The following DRAM2 variants were observed in gnomAD, a reference collection of about 807,000 sequenced individuals.
DRAM2 encodes DNA damage-regulated autophagy modulator protein 2.
Under a neutral mutation model 33.5 loss-of-function variants are expected in DRAM2, and 26 were observed. The ratio of observed to expected loss-of-function variants is 0.78; its 90% CI spans 0.57 to 1.08. DRAM2 has a LOEUF of 1.08. Ranked by LOEUF, DRAM2 falls within the 50% of genes least tolerant of loss-of-function variation. The pLI is 0.00. For synonymous variants in DRAM2, 98 were observed against 109.5 expected (o/e 0.89, Z 0.66); for missense variants, 311 against 318.1 (o/e 0.98, Z 0.17).
intron 8 of DRAM2, among the ~76,000 whole-genome samples, chr1:111,119,142 A>G (rs889561503): frequency 2.0e-5 from 3 of 151,982 alleles, no homozygotes; most frequent in Admixed American, 1.3e-4. Context: ...AAGATAGAAC[A>G]GGATCATTTT....
In DRAM2 at chr1:111,131,404, AAAG is replaced by A; in HGVS notation, c.131+17_131+19del. 6.2e-7 allele frequency: 1 copy of A among 1,607,660 alleles called. No homozygotes were observed. Among genetic ancestry groups the A allele is most frequent in the Non-Finnish European group, 8.5e-7 (1 of 1,176,974 alleles). On this transcript the variant is annotated intron_variant, in intron 4 of 9. Coordinates refer to ENST00000484310, the MANE Select transcript of DRAM2 (RefSeq NM_001349884.2). ...ATGAGACATAAAGAGTCTCCTATAC[AAAG>A]AATACATTTCACTTACCTGATATAA... is the stretch of plus-strand genomic sequence containing the variant.
At chr1:111,118,546 T>C in intron 9 of DRAM2, 1 of 488,886 alleles carries the variant, frequency 2.0e-6, no homozygotes, top group East Asian at 3.3e-5. Flanking sequence ...ACAGAATCGA[T>C]AACAAATTCT....
intron 4 of DRAM2, among the ~76,000 whole-genome samples, chr1:111,131,120 ATTTTAAGCG>A (rs1182595934): frequency 6.6e-6 from 1 of 152,124 alleles, no homozygotes; most frequent in Non-Finnish European, 1.5e-5. Flanking sequence ...TTATTTTTTA[ATTTTAAGCG>A]GCGAATAATT....
At position 111,118,063 on chromosome 1, in the gene DRAM2, A is replaced by T; in HGVS notation, c.*97T>A. On this transcript the variant is annotated 3_prime_UTR_variant, in exon 10 of 10. Coordinates refer to ENST00000484310, the MANE Select transcript of DRAM2 (RefSeq NM_001349884.2). ...ATCAGTGTTACTGTCAGCCTTGATT[A>T]AGTGGTTGAAAATTTCAGAGAAGAA... The T allele has an allele frequency of 9.2e-7, 1 of 1,086,140 alleles. No homozygotes were observed. The highest frequency in any genetic ancestry group is 1.4e-6 in the Non-Finnish European group (1 of 709,338). The allele number at this position is 1,086,140 out of a possible 1,614,324, so 67.3% of individuals were successfully genotyped here.
chr1:111,133,980 C>T (rs1021556876), intron 3 of DRAM2, among the ~76,000 whole-genome samples: 2 of 152,204 alleles, frequency 1.3e-5, no homozygotes, highest in African/African-American at 4.8e-5. Flanking sequence ...TTCTCATCCT[C>T]ACTAAACTTT....
chr1:111,122,855 A>C (rs1221439304), intron 6 of DRAM2, among the ~76,000 whole-genome samples: 1 of 152,194 alleles, frequency 6.6e-6, no homozygotes, highest in Non-Finnish European at 1.5e-5. Context: ...TCAAAATTAC[A>C]CGGCCATAAG....
At chr1:111,134,865 T>C (rs1652854214) in intron 3 of DRAM2, among the ~76,000 whole-genome samples, 1 of 152,024 alleles carries the variant, frequency 6.6e-6, no homozygotes, top group South Asian at 2.1e-4. Flanking sequence ...CGTATTTGTT[T>C]TTTCCAGACA....
chr1:111,119,796 GATGAA>G, intron 8 of DRAM2, 76 bp downstream of exon 8: 2 of 1,160,012 alleles, frequency 1.7e-6, no homozygotes, highest in South Asian at 2.7e-5. Flanking sequence ...CATTGTTACT[GATGAA>G]ATGAAAAACA....
At position 111,120,662 on chromosome 1, in the gene DRAM2, C is replaced by T; in HGVS notation, c.371G>A (p.Gly124Glu). ...GCCCATACCAAAGGTAAGCACAGCT[C>T]CACTTACATGTGCAGCAAAAAGGGT... ...KTTLFAAHVS[G>E]AVLTFGMGSL... The change falls in exon 7 of 10, where the codon GGA becomes GAA. Residue 124 changes from glycine to glutamate, a missense_variant. Physicochemically the swap from Gly to Glu is moderately conservative, Grantham distance 98. Transcript: ENST00000484310. 1 of 1,586,792 alleles carries T rather than the reference C, an allele frequency of 6.3e-7. No homozygotes were observed. Among genetic ancestry groups the T allele is most frequent in the Non-Finnish European group, 8.6e-7 (1 of 1,166,312 alleles).
chr1:111,137,871 G>A (rs325928), intron 2 of DRAM2, among the ~76,000 whole-genome samples: 35,907 of 152,062 alleles, frequency 0.24, 5,339 homozygotes, highest in African/African-American at 0.41. Flanking sequence ...ATATCATTGC[G>A]TCTTCTCCTA....
chr1:111,120,605 G>A lies in DRAM2; in HGVS notation c.428C>T (p.Ser143Phe). Residue 143 changes from serine to phenylalanine, a missense_variant, in exon 7 of 10, where the codon TCC (serine) becomes TTC (phenylalanine). By Grantham distance (155) the Ser-to-Phe change is radical. Coordinates refer to ENST00000484310, the MANE Select transcript of DRAM2 (RefSeq NM_001349884.2). ...SLYMFVQTIL[S>F]YQMQPKIHGK... is the part of the protein sequence containing the mutation. ...ATGGATTTTGGGCTGCATTTGGTAGGAAAGGATGGTCTGAACAAACATATA... is the reference window on the plus strand; with the variant it reads ...ATGGATTTTGGGCTGCATTTGGTAGAAAAGGATGGTCTGAACAAACATATA... 1 of 1,612,054 alleles carries A rather than the reference G, an allele frequency of 6.2e-7. No individual in the cohort carries two copies. Among genetic ancestry groups the A allele is most frequent in the Non-Finnish European group, 8.5e-7 (1 of 1,178,820 alleles).
chr1:111,135,070 T>C (rs1301376882), intron 3 of DRAM2, among the ~76,000 whole-genome samples: 1 of 152,224 alleles, frequency 6.6e-6, no homozygotes, highest in Non-Finnish European at 1.5e-5. Context: ...GATCTCCCTT[T>C]GCCAGGAGGG....
intron 2 of DRAM2, 76 bp downstream of exon 2, chr1:111,139,425 C>G (rs1654028629): frequency 6.6e-6 from 1 of 152,238 alleles, no homozygotes; most frequent in Non-Finnish European, 1.5e-5. Flanking sequence ...CACAAGGTCA[C>G]CAGGGATCGT....
rs747308214 is a variant in DRAM2, at chr1:111,120,621, C to T, written c.412G>A (p.Val138Ile). ...TFGMGSLYMFVQTILSYQMQP... is the reference protein window; with the variant it reads ...TFGMGSLYMFIQTILSYQMQP... The stretch of plus-strand genomic sequence containing the variant: ...ATTTGGTAGGAAAGGATGGTCTGAA[C>T]AAACATATATAATGAGCCCATACCA... Residue 138 changes from valine to isoleucine, a missense_variant, in exon 7 of 10, where the codon GTT (valine) becomes ATT (isoleucine). Transcript: ENST00000484310. The T allele has an allele frequency of 1.9e-6, 3 of 1,611,684 alleles. No homozygotes were observed. Among genetic ancestry groups the T allele is most frequent in the South Asian group, 1.1e-5 (1 of 90,898 alleles).
Position 111,131,557 on chromosome 1 carries a change from C to G in DRAM2, c.-3G>C. On this transcript the variant is annotated 5_prime_UTR_variant, in exon 4 of 10. Transcript: ENST00000484310. ...AGGCCTTGCTGAAACCACCACATTTCTAACAGGTTTTCTGAAATAGAGAAA... is the reference window on the plus strand; with the variant it reads ...AGGCCTTGCTGAAACCACCACATTTGTAACAGGTTTTCTGAAATAGAGAAA... The G allele has an allele frequency of 1.2e-6, 2 of 1,613,288 alleles. No individual in the cohort carries two copies. The highest frequency in any genetic ancestry group is 1.7e-6 in the Non-Finnish European group (2 of 1,179,818).
chr1:111,131,949 A>T (rs75684721), intron 3 of DRAM2, among the ~76,000 whole-genome samples: 2 of 152,334 alleles, frequency 1.3e-5, no homozygotes, highest in Non-Finnish European at 2.9e-5. Flanking sequence ...TGTGAAATAC[A>T]TATGTATTTG....
chr1:111,131,830 C>T (rs566438544), intron 3 of DRAM2, among the ~76,000 whole-genome samples: 2 of 152,206 alleles, frequency 1.3e-5, no homozygotes, highest in South Asian at 4.1e-4. Flanking sequence ...TACTACCTCC[C>T]AAATTTATTT....
intron 9 of DRAM2, 166 bp from the exon 10 acceptor site, chr1:111,118,433 CT>C: frequency 1.9e-6 from 1 of 522,632 alleles, no homozygotes; most frequent in East Asian, 3.1e-5. Context: ...CAATTAAAAT[CT>C]GGAAAAACCA....
In DRAM2 at chr1:111,129,709, T is replaced by C. The variant is rs1306453252; in HGVS notation, c.131+1715A>G. Among the ~76,000 whole-genome samples the C allele has an allele frequency of 3.9e-5, 6 of 152,270 alleles. No homozygotes were observed. The East Asian group carries it at 1.2e-3, about 29-fold the overall frequency. Reference sequence around the variant, plus strand: ...TGTAAAGTTGTATGTAATGAAACCTTCATTATAGTACTGTTTGTAACAGCC... The same window carrying C: ...TGTAAAGTTGTATGTAATGAAACCTCCATTATAGTACTGTTTGTAACAGCC... On this transcript the variant is annotated intron_variant, in intron 4 of 9. Transcript: ENST00000484310.
Sources: allele counts gnomAD v4.1 joint callset (sites outside exome capture counted in the v4.1 genomes callset), GRCh38; gene constraint gnomAD v4.1.1; transcripts MANE v1.5; gene names NCBI Gene and HGNC (gene_info 2026-07-23, HGNC 2026-07-21).